Variants in RBFOX1 observed in about 807,000 individuals in gnomAD.
The protein encoded by RBFOX1 is RNA binding protein fox-1 homolog 1.
Under a neutral mutation model 57.7 loss-of-function variants are expected in RBFOX1, and 8 were observed. The ratio of observed to expected loss-of-function variants is 0.14; its 90% CI spans 0.08 to 0.25. RBFOX1 has a LOEUF of 0.25. Among genes scored for constraint, RBFOX1 ranks in the 10% least tolerant of loss-of-function variants. RBFOX1 has a pLI of 1.00. For synonymous variants in RBFOX1, 326 were observed against 222.4 expected (o/e 1.47, Z -4.15); for missense variants, 611 against 548.5 (o/e 1.11, Z -1.14).
intron 10 of RBFOX1, among the ~76,000 whole-genome samples, chr16:7,612,213 T>G (rs929849442): frequency 2.3e-4 from 34 of 148,066 alleles, no homozygotes; most frequent in Middle Eastern, 3.6e-3. Context: ...CCCAGCTACT[T>G]GGGAGGCAGA....
chr16:7,515,823 C>G (rs555511134), intron 4 of RBFOX1, among the ~76,000 whole-genome samples: 28 of 152,090 alleles, frequency 1.8e-4, no homozygotes, highest in African/African-American at 6.5e-4. Flanking sequence ...AGGTCCCCTT[C>G]AAGTGGCAGT....
intron 3 of RBFOX1, among the ~76,000 whole-genome samples, chr16:6,812,267 A>C (rs2088858074): frequency 6.6e-6 from 1 of 152,214 alleles, no homozygotes; most frequent in Admixed American, 6.5e-5. Flanking sequence ...GTTCAAAATG[A>C]AAGTATCTCC....
intron 3 of RBFOX1, among the ~76,000 whole-genome samples, chr16:7,047,447 C>T (rs1315179099): frequency 6.6e-6 from 1 of 152,222 alleles, no homozygotes; most frequent in African/African-American, 2.4e-5. Context: ...TGGGCCCTTA[C>T]AAGCATTGCA....
chr16:6,458,265 G>C (rs930329121), intron 2 of RBFOX1, among the ~76,000 whole-genome samples: 17 of 111,754 alleles, frequency 1.5e-4, no homozygotes, highest in Non-Finnish European at 3.0e-4. Flanking sequence ...ACCACAGAGG[G>C]AGCATGCCTG....
At chr16:7,310,648 C>G (rs778400950) in intron 4 of RBFOX1, among the ~76,000 whole-genome samples, 2 of 152,208 alleles carry the variant, frequency 1.3e-5, no homozygotes, top group Non-Finnish European at 2.9e-5. Context: ...TTGATATCTA[C>G]TTAATATTTT....
chr16:6,157,898 A>G (rs2096849755), intron 1 of RBFOX1, among the ~76,000 whole-genome samples: 2 of 152,204 alleles, frequency 1.3e-5, no homozygotes, highest in South Asian at 4.1e-4. Flanking sequence ...CCAAGAGTTG[A>G]AAGCACCAAG....
At chr16:7,228,381 G>C (rs1043679314) in intron 4 of RBFOX1, among the ~76,000 whole-genome samples, 13 of 152,284 alleles carry the variant, frequency 8.5e-5, no homozygotes, top group African/African-American at 3.1e-4. Flanking sequence ...TCATTATCAA[G>C]TGAGTTCAAC....
At chr16:5,943,957 ATCCATCCACCCCCCCACCCATCCATCTT>A in intron 4 of RBFOX1, among the ~76,000 whole-genome samples, 1 of 148,900 alleles carries the variant, frequency 6.7e-6, no homozygotes, top group African/African-American at 2.5e-5. Flanking sequence ...CCATCCATCC[ATCCATCCACCCCCCCACCCATCCATCTT>A]TCCATCCACC....
chr16:6,992,119 T>G (rs2091569900), intron 3 of RBFOX1, among the ~76,000 whole-genome samples: 1 of 152,090 alleles, frequency 6.6e-6, no homozygotes, highest in Non-Finnish European at 1.5e-5. Context: ...AGCTGTCTCT[T>G]CCTTTCCAGT....
At chr16:7,070,650 G>C (rs1270650400) in intron 4 of RBFOX1, among the ~76,000 whole-genome samples, 1 of 152,168 alleles carries the variant, frequency 6.6e-6, no homozygotes, top group African/African-American at 2.4e-5. Context: ...TTCTAATGCA[G>C]AGCCATCTCC....
chr16:7,317,911 C>T (rs1678818002), intron 4 of RBFOX1, among the ~76,000 whole-genome samples: 1 of 152,088 alleles, frequency 6.6e-6, no homozygotes, highest in African/African-American at 2.4e-5. Context: ...GTACAGTACC[C>T]AGCAAACAGA....
intron 4 of RBFOX1, among the ~76,000 whole-genome samples, chr16:7,103,129 G>A (rs1193661480): frequency 3.3e-5 from 5 of 151,440 alleles, no homozygotes; most frequent in South Asian, 2.1e-4. Context: ...CCAAGCTGTC[G>A]GACCAAAGTA....
chr16:7,676,150 G>A (rs1487788456), intron 13 of RBFOX1, among the ~76,000 whole-genome samples: 1 of 152,310 alleles, frequency 6.6e-6, no homozygotes, highest in South Asian at 2.1e-4. Flanking sequence ...GTCTGAAGCA[G>A]CATGATACAT....
intron 2 of RBFOX1, among the ~76,000 whole-genome samples, chr16:5,524,543 GC>G (rs1422302371): frequency 2.8e-4 from 32 of 113,678 alleles, no homozygotes; most frequent in African/African-American, 1.4e-3. Context: ...AGTAGTAGTT[GC>G]TTTTTTTTTT....
At chr16:6,518,691 A>G (rs772474222) in intron 2 of RBFOX1, among the ~76,000 whole-genome samples, 1 of 152,040 alleles carries the variant, frequency 6.6e-6, no homozygotes, top group African/African-American at 2.4e-5. Flanking sequence ...AATTTTATCT[A>G]TGTATGTATC....
rs1022248368 is a variant in RBFOX1, at chr16:7,290,978, A to G, written c.28-227169A>G. Among the ~76,000 whole-genome samples the G allele has an allele frequency of 3.9e-5, 6 of 152,218 alleles. No individual in the cohort carries two copies. The South Asian group carries it at 1.2e-3, about 32-fold the overall frequency. On this transcript the variant is annotated intron_variant, in intron 4 of 15. Transcript: ENST00000550418. ...TATTGCAAAACATACAAGAATGCAC[A>G]TTTCATTCTGTGATTATTTATTTAA...
rs530310831 is a variant in RBFOX1 at position 5,921,977 on chromosome 16, C to T, written c.351+54642C>T. Among the ~76,000 whole-genome samples, 9 of 150,158 alleles carry T rather than the reference C, an allele frequency of 6.0e-5. No homozygotes were observed. In the South Asian group the frequency reaches 6.3e-4, roughly 10 times the overall value. On this transcript the variant is annotated intron_variant, in intron 4 of 19. Transcript: ENST00000641259. ...GACTAGCATGAGCAACACAGCTGGA[C>T]GCCATCTTCACAAAAAAAAAACAAA...
intron 2 of RBFOX1, among the ~76,000 whole-genome samples, chr16:6,632,691 C>G (rs1310904506): frequency 1.3e-5 from 2 of 152,196 alleles, no homozygotes; most frequent in Non-Finnish European, 2.9e-5. Flanking sequence ...CCTTCTTTGG[C>G]TGAAGTGCTT....
intron 1 of RBFOX1, among the ~76,000 whole-genome samples, chr16:5,378,195 C>G (rs74003899): frequency 6.6e-6 from 1 of 151,422 alleles, no homozygotes; most frequent in Non-Finnish European, 1.5e-5. Context: ...ACAGCTTCTC[C>G]TTGGGAAGTA....
Sources: gnomAD v4.1 joint callset for allele counts (sites outside exome capture counted in the v4.1 genomes callset) on GRCh38, gnomAD v4.1.1 for gene constraint, MANE v1.5 for transcripts, NCBI Gene and HGNC (gene_info 2026-07-23, HGNC 2026-07-21) for gene names.